CELF4: variants seen among roughly 807,000 people sequenced by gnomAD.
The protein encoded by CELF4 is CUG-BP- and ETR-3-like factor 4.
Under a neutral mutation model 59.9 loss-of-function variants are expected in CELF4, and 18 were observed. That is an observed-to-expected ratio of 0.30 (90% CI 0.21 to 0.45). The LOEUF (loss-of-function observed/expected upper bound fraction) is 0.45. CELF4 is among the 20% of genes least tolerant of loss of function. CELF4 has a pLI of 1.00. For synonymous variants in CELF4, 261 were observed against 267.1 expected, an observed-to-expected ratio of 0.98 and a Z score of 0.22; for missense variants, 456 against 689.0, an observed-to-expected ratio of 0.66 and a Z score of 3.79.
chr18:37,254,441 C>A lies in CELF4; in HGVS notation c.1334-503G>T, dbSNP rs2067819082. ...GGGAGGCGCCGCCGAGAAACTTCTC[C>A]ACCGCCGGCCCGGCCGCCCCCCTCG... On this transcript the variant is annotated intron_variant, in intron 11 of 12. Coordinates refer to ENST00000420428, the MANE Select transcript of CELF4 (RefSeq NM_020180.4). The surrounding 1 kb of genome is among the most constrained non-coding windows in gnomAD (Gnocchi z 5.1). Among the ~76,000 whole-genome samples the A allele has an allele frequency of 6.6e-6, 1 of 151,940 alleles. No individual in the cohort carries two copies. Among genetic ancestry groups the A allele is most frequent in the African/African-American group, 2.4e-5 (1 of 41,412 alleles).
At chr18:37,517,769 G>A (rs545484199) in intron 1 of CELF4, among the ~76,000 whole-genome samples, 8 of 152,252 alleles carry the variant, frequency 5.3e-5, no homozygotes, top group East Asian at 3.9e-4. Context: ...TGGTTGGGGC[G>A]TGCACCTCAT....
At chr18:37,378,949 CT>C (rs1340942067) in intron 2 of CELF4, among the ~76,000 whole-genome samples, 6 of 152,350 alleles carry the variant, frequency 3.9e-5, no homozygotes, top group Middle Eastern at 6.8e-3. Context: ...CTCTGCAAGG[CT>C]GATACATCCC....
chr18:37,462,328 C>T (rs2099795861), intron 2 of CELF4, among the ~76,000 whole-genome samples: 1 of 152,250 alleles, frequency 6.6e-6, no homozygotes, highest in Non-Finnish European at 1.5e-5. Context: ...TCCCTTTAGG[C>T]AGCAAGCTGG....
intron 1 of CELF4, among the ~76,000 whole-genome samples, chr18:37,540,457 A>G (rs1014760478): frequency 6.6e-6 from 1 of 152,040 alleles, no homozygotes; most frequent in Non-Finnish European, 1.5e-5. Flanking sequence ...GTTCCCAAGG[A>G]GCTCTTCCCT....
At chr18:37,275,749 G>A (rs1324139749) in intron 3 of CELF4, 1 of 156,126 alleles carries the variant, frequency 6.4e-6, no homozygotes, top group Non-Finnish European at 1.4e-5. Context: ...CTTCTTCTAG[G>A]TCTCAGTTTG....
chr18:37,335,504 T>C (rs1374891097), intron 2 of CELF4, among the ~76,000 whole-genome samples: 1 of 151,894 alleles, frequency 6.6e-6, no homozygotes, highest in East Asian at 1.9e-4. Flanking sequence ...TGTGTGTGTG[T>C]GTGTGTGTGG....
Position 37,273,193 on chromosome 18 carries a change from C to T in CELF4, c.802-30G>A, listed in dbSNP as rs191927760. On this transcript the variant is annotated intron_variant, in intron 6 of 12. Transcript: ENST00000420428. ...GGCAGAGGGAGTGGAAAAAATATCA[C>T]GTGCTTCCAGGGGGCATCCCTCCCC... 1.9e-3 allele frequency: 3,051 copies of T among 1,593,430 alleles called. 4 individuals carry two copies. The highest frequency in any genetic ancestry group is 2.4e-3 in the Non-Finnish European group (2,815 of 1,163,780).
intron 11 of CELF4, 102 bp downstream of exon 11, chr18:37,259,079 C>G: frequency 6.3e-7 from 1 of 1,580,708 alleles, no homozygotes. Context: ...CGAGCACCGC[C>G]CTGTCCTAGG....
intron 2 of CELF4, among the ~76,000 whole-genome samples, chr18:37,353,007 G>A (rs1037237588): frequency 1.3e-5 from 2 of 152,080 alleles, no homozygotes; most frequent in Non-Finnish European, 2.9e-5. Flanking sequence ...AGATCAGGAA[G>A]TCAGGAGATC....
At chr18:37,486,777 G>A (rs564356570) in intron 1 of CELF4, among the ~76,000 whole-genome samples, 49 of 152,222 alleles carry the variant, frequency 3.2e-4, no homozygotes, top group South Asian at 1.5e-3. Flanking sequence ...TCTTATCCAA[G>A]GCCACATCCC....
At chr18:37,371,131 G>A (rs1006852005) in intron 2 of CELF4, among the ~76,000 whole-genome samples, 2 of 152,160 alleles carry the variant, frequency 1.3e-5, no homozygotes, top group Non-Finnish European at 2.9e-5. Context: ...ACTACGTCTT[G>A]TTGGATTCTA....
intron 2 of CELF4, among the ~76,000 whole-genome samples, chr18:37,451,332 G>GT (rs2154601670): frequency 6.6e-6 from 1 of 152,198 alleles, no homozygotes; most frequent in South Asian, 2.1e-4. Flanking sequence ...CTGTGTATAC[G>GT]TGTGTGCTTC....
At chr18:37,266,214 T>A (rs550359158) in intron 9 of CELF4, 2 of 494,592 alleles carry the variant, frequency 4.0e-6, no homozygotes, top group East Asian at 7.6e-5. Context: ...CTGGTGCTCC[T>A]GGGCAAAGTG....
intron 2 of CELF4, among the ~76,000 whole-genome samples, chr18:37,463,172 A>T (rs968212124): frequency 2.0e-5 from 3 of 152,180 alleles, no homozygotes; most frequent in Non-Finnish European, 4.4e-5. Flanking sequence ...TTCAAAAATG[A>T]TTAAGAATTT....
intron 1 of CELF4, among the ~76,000 whole-genome samples, chr18:37,508,531 C>T (rs1356459995): frequency 6.6e-6 from 1 of 152,180 alleles, no homozygotes; most frequent in Admixed American, 6.5e-5. Context: ...GAGGCACCCC[C>T]CTCACCTCCT....
At chr18:37,490,224 G>A (rs1471673153) in intron 1 of CELF4, among the ~76,000 whole-genome samples, 2 of 152,126 alleles carry the variant, frequency 1.3e-5, no homozygotes, top group South Asian at 2.1e-4. Context: ...ATTTACATGT[G>A]AAAGACAAAG....
Position 37,555,406 on chromosome 18 carries a change from G to A in CELF4, c.286+9950C>T, listed in dbSNP as rs974981960. Among the ~76,000 whole-genome samples, 6 of 152,096 alleles carry A rather than the reference G, an allele frequency of 3.9e-5. No homozygotes were observed. The East Asian group carries it at 5.8e-4, about 15-fold the overall frequency. The stretch of plus-strand genomic sequence containing the variant: ...GTGTTCTCACCGGTCACTCAGGGAC[G>A]CCTCTGTTTCCCCGGTCTCCTTGCA... On this transcript the variant is annotated intron_variant, in intron 1 of 12. Transcript: ENST00000420428.
chr18:37,255,097 G>T (rs1452933533), intron 11 of CELF4, among the ~76,000 whole-genome samples: 1 of 152,084 alleles, frequency 6.6e-6, no homozygotes, highest in African/African-American at 2.4e-5. Context: ...CTGTAAAAAG[G>T]ACTTAGATCC....
chr18:37,291,830 C>G (rs2154418446), intron 3 of CELF4, among the ~76,000 whole-genome samples: 1 of 152,298 alleles, frequency 6.6e-6, no homozygotes, highest in South Asian at 2.1e-4. Flanking sequence ...GATTCAGCCT[C>G]TTTCTAACCC....
Sources: allele counts gnomAD v4.1 joint callset (sites outside exome capture counted in the v4.1 genomes callset), GRCh38; gene constraint gnomAD v4.1.1; non-coding constraint Gnocchi (gnomAD v3.1); transcripts MANE v1.5; gene names NCBI Gene and HGNC (gene_info 2026-07-23, HGNC 2026-07-21).